GASK1B: variants seen among roughly 807,000 people sequenced by gnomAD.
GASK1B encodes the protein Golgi-associated kinase 1B.
A neutral mutation model predicts 42.8 loss-of-function variants in GASK1B; 34 were observed. That is an observed-to-expected ratio of 0.79 (90% confidence interval 0.60 to 1.06). The LOEUF is 1.06. Ranked by LOEUF, GASK1B falls within the 50% of genes least tolerant of loss-of-function variation. The pLI, the probability that GASK1B is intolerant of heterozygous loss-of-function variation, is 0.00. For missense variants in GASK1B, 686 were observed against 661.0 expected (o/e 1.04, Z -0.42); for synonymous variants, 262 against 259.1 (o/e 1.01, Z -0.11).
intron 3 of GASK1B, among the ~76,000 whole-genome samples, chr4:158,146,244 G>A (rs1409529651): frequency 1.3e-5 from 2 of 151,756 alleles, no homozygotes; most frequent in East Asian, 3.9e-4. Context: ...ACAGGGACTT[G>A]CCCTTGAGAA....
intron 2 of GASK1B, chr4:158,170,070 A>T: frequency 1.5e-6 from 1 of 664,042 alleles, no homozygotes; most frequent in Non-Finnish European, 2.5e-6. Context: ...AAAAACTTCT[A>T]CTTCCTCCCA....
intron 3 of GASK1B, among the ~76,000 whole-genome samples, chr4:158,152,404 T>C (rs1022800355): frequency 6.6e-6 from 1 of 152,218 alleles, no homozygotes; most frequent in Non-Finnish European, 1.5e-5. Context: ...AGCTGAATTC[T>C]ACCAGACATT....
intron 2 of GASK1B, among the ~76,000 whole-genome samples, chr4:158,157,095 G>A (rs770850230): frequency 3.3e-5 from 5 of 152,062 alleles, no homozygotes; most frequent in Non-Finnish European, 5.9e-5. Flanking sequence ...TGAGTTTGGT[G>A]TTATACTAAC....
intron 2 of GASK1B, among the ~76,000 whole-genome samples, chr4:158,164,179 C>A (rs780454057): frequency 6.6e-6 from 1 of 152,202 alleles, no homozygotes; most frequent in African/African-American, 2.4e-5. Context: ...GTTTTGTTCA[C>A]TGATGCAGCC....
intron 3 of GASK1B, among the ~76,000 whole-genome samples, chr4:158,148,776 G>T (rs1731428703): frequency 6.6e-6 from 1 of 152,180 alleles, no homozygotes; most frequent in African/African-American, 2.4e-5. Flanking sequence ...ACTCCTAATA[G>T]TGATTTCACA....
chr4:158,162,717 C>A (rs1409278459), intron 2 of GASK1B, among the ~76,000 whole-genome samples: 1 of 152,088 alleles, frequency 6.6e-6, no homozygotes, highest in Non-Finnish European at 1.5e-5. Flanking sequence ...TCCTTCTGAC[C>A]CCAGATCACT....
chr4:158,171,886 T>C (rs979577995), intron 1 of GASK1B, among the ~76,000 whole-genome samples: 1 of 152,228 alleles, frequency 6.6e-6, no homozygotes, highest in Non-Finnish European at 1.5e-5. Flanking sequence ...AAACCTGGGC[T>C]TTTCCTTTTT....
Position 158,171,398 on chromosome 4 carries a change from G to A in GASK1B, c.-23C>T. The A allele has an allele frequency of 6.5e-7, 1 of 1,534,974 alleles. No individual in the cohort carries two copies. The highest frequency in any genetic ancestry group is 8.8e-7 in the Non-Finnish European group (1 of 1,138,546). ...CATTTCTCTGCCGCATCCACATGTT[G>A]AACGGAGTTTAAAGTCTGCAGTTGG... On this transcript the variant is annotated 5_prime_UTR_variant, in exon 2 of 5. An upstream open reading frame in the 5' UTR gains an earlier in-frame stop. Coordinates refer to ENST00000585682, the MANE Select transcript of GASK1B (RefSeq NM_001128424.2).
intron 3 of GASK1B, among the ~76,000 whole-genome samples, chr4:158,155,010 T>TA (rs1398263537): frequency 2.6e-5 from 4 of 152,010 alleles, no homozygotes; most frequent in African/African-American, 9.7e-5. Context: ...TATTGAAATT[T>TA]AAAAAAATTA....
Position 158,171,270 on chromosome 4 carries a change from T to C in GASK1B, c.106A>G (p.Arg36Gly), listed in dbSNP as rs1160284976. The C allele has an allele frequency of 6.2e-7, 1 of 1,613,956 alleles. No homozygotes were observed. Among genetic ancestry groups the C allele is most frequent in the Non-Finnish European group, 8.5e-7 (1 of 1,179,998 alleles). ...LWSSRRPRTR[R>G]NLLLGTACAI... ...CACGCAGTGCCCAGCAGAAGGTTTC[T>C]CCGGGTCCTTGGACGCCGGCTGCTC... Residue 36 changes from arginine to glycine, a missense_variant, in exon 2 of 5, where the codon AGA (arginine) becomes GGA (glycine). Physicochemically the swap from Arg to Gly is moderately radical, Grantham distance 125. Transcript: ENST00000585682.
Position 158,170,926 on chromosome 4 carries a change from A to T in GASK1B, c.450T>A (p.Leu150=), listed in dbSNP as rs1371193032. Residue 150 remains leucine (L), a synonymous_variant, in exon 2 of 5, where the codon CTT becomes CTA. Coordinates refer to ENST00000585682, the MANE Select transcript of GASK1B (RefSeq NM_001128424.2). ...CTTCCCTTGCCGCTTCCTGCGGCTG[A>T]AGGGATGGTCCGACCAAAGCCTCCT... ...PGQEALVGPS[L]QPQEAAREAD... 6.2e-7 allele frequency: 1 copy of T among 1,614,178 alleles called. No individual in the cohort carries two copies. The highest frequency in any genetic ancestry group is 1.3e-5 in the African/African-American group (1 of 75,056).
intron 3 of GASK1B, among the ~76,000 whole-genome samples, chr4:158,133,905 G>C (rs1579009728): frequency 6.6e-6 from 1 of 152,080 alleles, no homozygotes; most frequent in East Asian, 1.9e-4. Context: ...ATGTGTGTGT[G>C]TGTGTGTGTG....
intron 2 of GASK1B, among the ~76,000 whole-genome samples, chr4:158,163,131 T>C (rs969530979): frequency 6.6e-6 from 1 of 152,308 alleles, no homozygotes; most frequent in African/African-American, 2.4e-5. Flanking sequence ...CACTATAAGC[T>C]CCAAGGTCCT....
chr4:158,133,010 G>C (rs1026017093), intron 3 of GASK1B, among the ~76,000 whole-genome samples: 1 of 152,174 alleles, frequency 6.6e-6, no homozygotes, highest in African/African-American at 2.4e-5. Context: ...GCACAAATTA[G>C]AAACTTTTAG....
chr4:158,132,156 T>C (rs1157142218), intron 3 of GASK1B, among the ~76,000 whole-genome samples: 1 of 150,524 alleles, frequency 6.6e-6, no homozygotes, highest in Non-Finnish European at 1.5e-5. Context: ...GACGTGGATT[T>C]GTTTGTCTCC....
At chr4:158,149,013 T>C (rs571952952) in intron 3 of GASK1B, among the ~76,000 whole-genome samples, 1 of 152,316 alleles carries the variant, frequency 6.6e-6, no homozygotes, top group South Asian at 2.1e-4. Context: ...ACTACTCCCC[T>C]CAAAGAACTC....
chr4:158,170,697 A>T lies in GASK1B; in HGVS notation c.679T>A (p.Leu227Met), dbSNP rs761228291. Residue 227 changes from leucine to methionine, a missense_variant, in exon 2 of 5, where the codon TTG (leucine) becomes ATG (methionine). Leu to Met is a conservative substitution (Grantham distance 15, BLOSUM62 2). Transcript: ENST00000585682. ...SKDDIRRMRL[L>M]ADSAVAGLRP... ...AGCCCTGCCACTGCGCTGTCCGCCA[A>T]GAGTCGCATTCTTCGGATGTCATCT... The T allele has an allele frequency of 1.2e-6, 2 of 1,614,204 alleles. No homozygotes were observed. Among genetic ancestry groups the T allele is most frequent in the Admixed American group, 3.3e-5 (2 of 60,028 alleles).
intron 4 of GASK1B, among the ~76,000 whole-genome samples, chr4:158,129,988 T>C (rs994746659): frequency 6.6e-6 from 1 of 152,188 alleles, no homozygotes; most frequent in Non-Finnish European, 1.5e-5. Context: ...TTCCAATAGA[T>C]GTATGATCAA....
intron 3 of GASK1B, among the ~76,000 whole-genome samples, chr4:158,148,484 T>C (rs1025205424): frequency 2.0e-5 from 3 of 152,174 alleles, no homozygotes; most frequent in South Asian, 2.1e-4. Flanking sequence ...AATACATAAG[T>C]CCACTCTCTC....
Sources: allele counts gnomAD v4.1 joint callset (sites outside exome capture counted in the v4.1 genomes callset), GRCh38; gene constraint gnomAD v4.1.1; transcripts MANE v1.5; gene names NCBI Gene and HGNC (gene_info 2026-07-23, HGNC 2026-07-21).